The following LSS variants were observed in gnomAD, a reference collection of about 807,000 sequenced individuals.
LSS encodes 2,3-epoxysqualene-lanosterol cyclase.
A neutral mutation model predicts 110.3 loss-of-function variants in LSS; 90 were observed. The ratio of observed to expected loss-of-function variants is 0.82; its 90% CI spans 0.69 to 0.97. The LOEUF is 0.97. Among genes scored for constraint, LSS ranks in the 50% least tolerant of loss-of-function variants. LSS has a pLI of 0.00. For synonymous variants in LSS, 433 were observed against 400.0 expected (o/e 1.08, Z -0.98); for missense variants, 927 against 990.0 (o/e 0.94, Z 0.85).
intron 8 of LSS, among the ~76,000 whole-genome samples, 159 bp from the exon 9 acceptor site, chr21:46,215,457 G>A (rs2080191020): frequency 6.8e-6 from 1 of 147,478 alleles, no homozygotes; most frequent in African/African-American, 2.5e-5. Flanking sequence ...GCCCAGGAGG[G>A]GCTGCCCCAC....
At chr21:46,218,554 G>A (rs910672268) in intron 6 of LSS, among the ~76,000 whole-genome samples, 1 of 151,972 alleles carries the variant, frequency 6.6e-6, no homozygotes, top group East Asian at 1.9e-4. Context: ...AATCCAGGAG[G>A]CGGAGGTTGC....
intron 20 of LSS, chr21:46,192,181 G>A (rs2079825957): frequency 5.0e-6 from 3 of 604,796 alleles, no homozygotes; most frequent in Non-Finnish European, 8.9e-6. Flanking sequence ...GCAATGACAG[G>A]CTGGGGACAC....
intron 17 of LSS, among the ~76,000 whole-genome samples, chr21:46,197,122 C>G (rs2123701706): frequency 6.6e-6 from 1 of 152,324 alleles, no homozygotes; most frequent in South Asian, 2.1e-4. Context: ...TGTTCTAAGC[C>G]ACTAGGTTTG....
At chr21:46,228,671 G>T in intron 1 of LSS, 61 bp downstream of exon 1, 1 of 1,599,780 alleles carries the variant, frequency 6.3e-7, no homozygotes, top group Non-Finnish European at 8.5e-7. Context: ...CCCCAGTCGC[G>T]CTCTCCTCAG....
intron 3 of LSS, among the ~76,000 whole-genome samples, chr21:46,227,008 T>A (rs1215220268): frequency 6.6e-6 from 1 of 152,218 alleles, no homozygotes; most frequent in Non-Finnish European, 1.5e-5. Context: ...TAGGAGGGAA[T>A]TTCCCATTTT....
chr21:46,195,754 G>C lies in LSS; in HGVS notation c.1739C>G (p.Ser580Cys), dbSNP rs747663109. Residue 580 changes from serine (S) to cysteine (C), a missense_variant and splice_region_variant, in exon 19 of 22, where the codon TCC becomes TGC. Coordinates refer to ENST00000397728, the MANE Select transcript of LSS (RefSeq NM_002340.6). The part of the protein sequence containing the change: ...QQRADGSWEG[S>C]WGVCFTYGTW... ...GCCGTAGGTGAAGCAAACTCCCCAG[G>C]AGCTGGAGGGAAACAGGGAGAGCCT... 1.2e-6 allele frequency: 2 copies of C among 1,613,464 alleles called. No individual in the cohort carries two copies. The highest frequency in any genetic ancestry group is 2.2e-5 in the East Asian group (1 of 44,866).
intron 21 of LSS, 32 bp downstream of exon 21, chr21:46,191,849 G>A: frequency 6.3e-7 from 1 of 1,591,552 alleles, no homozygotes; most frequent in Non-Finnish European, 8.6e-7. Context: ...GTCAGTGCTG[G>A]GCCTTGTGCG....
At chr21:46,225,441 C>G (rs1045450941) in intron 3 of LSS, 1 of 451,936 alleles carries the variant, frequency 2.2e-6, no homozygotes, top group Non-Finnish European at 4.4e-6. Flanking sequence ...CTTAGCATAC[C>G]GGGAAAGGGA....
Position 46,216,643 on chromosome 21 carries a change from G to T in LSS, c.648-119C>A. On this transcript the variant is annotated intron_variant, in intron 6 of 21. Coordinates refer to ENST00000397728, the MANE Select transcript of LSS (RefSeq NM_002340.6). This position sits in a 1 kb window ranked among gnomAD's most constrained non-coding sequence, Gnocchi z 4.2. ...CTGGTGGATGGCTATTCCCCACCAC[G>T]TCAGTGCATCTGCGGGCATTTCCCA... The T allele has an allele frequency of 1.6e-6, 2 of 1,274,552 alleles. No individual in the cohort carries two copies. Among genetic ancestry groups the T allele is most frequent in the Non-Finnish European group, 2.1e-6 (2 of 949,226 alleles). 79.0% of individuals were successfully genotyped at this position (1,274,552 alleles called of 1,614,324 possible). A position where few individuals can be genotyped will look rare whatever the true frequency, so the allele number is the denominator to read the frequency against.
intron 17 of LSS, among the ~76,000 whole-genome samples, chr21:46,198,222 G>A (rs570598987): frequency 6.6e-6 from 1 of 151,726 alleles, no homozygotes; most frequent in South Asian, 2.1e-4. Context: ...AGCTATGATG[G>A]CACCACTGCA....
At chr21:46,221,263 C>A (rs191005692) in intron 5 of LSS, among the ~76,000 whole-genome samples, 2 of 152,260 alleles carry the variant, frequency 1.3e-5, no homozygotes, top group East Asian at 3.9e-4. Flanking sequence ...TGCCTGCAGC[C>A]AGGCTGCCCC....
chr21:46,228,053 C>G (rs2080373802), intron 2 of LSS, among the ~76,000 whole-genome samples: 1 of 152,206 alleles, frequency 6.6e-6, no homozygotes, highest in African/African-American at 2.4e-5. Flanking sequence ...CCTCGGTGGC[C>G]GGGGCTCGGC....
In LSS at chr21:46,209,677, T is replaced by A. The variant is rs763523849; in HGVS notation, c.1195-52A>T. The A allele has an allele frequency of 1.3e-6, 2 of 1,505,610 alleles. No homozygotes were observed. The highest frequency in any genetic ancestry group is 1.8e-6 in the Non-Finnish European group (2 of 1,096,782). The allele number at this position is 1,505,610 out of a possible 1,614,324, so 93.3% of individuals were successfully genotyped here. Reference sequence around the variant, plus strand: ...CTCAGCTGCCCTTGCACGGCCAGCATGGCTGCGCTGGTTTCCCGATGGTCC... The same window carrying A: ...CTCAGCTGCCCTTGCACGGCCAGCAAGGCTGCGCTGGTTTCCCGATGGTCC... On this transcript the variant is annotated intron_variant, in intron 12 of 21. Coordinates refer to ENST00000397728, the MANE Select transcript of LSS (RefSeq NM_002340.6). This position sits in a 1 kb window ranked among gnomAD's most constrained non-coding sequence, Gnocchi z 4.4.
intron 4 of LSS, chr21:46,222,237 C>T (rs1354358908): frequency 1.8e-6 from 1 of 548,828 alleles, no homozygotes; most frequent in African/African-American, 1.9e-5. Flanking sequence ...ACACTTCTAG[C>T]TCAAGGGCGG....
chr21:46,210,730 T>C lies in LSS; in HGVS notation c.1152A>G (p.Ser384=). Residue 384 remains serine (S), a synonymous_variant, in exon 12 of 22, where the codon TCA becomes TCG. Transcript: ENST00000397728. ...TGGCGAATGCGGTGTCCCAGATCTGTGAGCCGTTGGTGCCCTACACACAAA... is the reference window on the plus strand; with the variant it reads ...TGGCGAATGCGGTGTCCCAGATCTGCGAGCCGTTGGTGCCCTACACACAAA... ...DGMKMQGTNG[S]QIWDTAFAIQ... is the part of the protein sequence containing the mutation. 1 of 1,614,062 alleles carries C rather than the reference T, an allele frequency of 6.2e-7. No individual in the cohort carries two copies.
At position 46,228,724 on chromosome 21, in the gene LSS, G is replaced by A. The variant is rs2080391698; in HGVS notation, c.14+8C>T. The stretch of plus-strand genomic sequence containing the variant: ...CATTCGTCAGGAGCCCGGGGCGAGG[G>A]GACTCACGTGCCCTCCGTCATTGCT... On this transcript the variant is annotated splice_region_variant and intron_variant, in intron 1 of 21. Transcript: ENST00000397728. 2 of 1,601,308 alleles carry A rather than the reference G, an allele frequency of 1.2e-6. No homozygotes were observed. Among genetic ancestry groups the A allele is most frequent in the Non-Finnish European group, 1.7e-6 (2 of 1,178,926 alleles).
intron 9 of LSS, 149 bp from the exon 10 acceptor site, chr21:46,213,984 G>A (rs2080168237): frequency 1.5e-6 from 1 of 651,408 alleles, no homozygotes; most frequent in Non-Finnish European, 2.8e-6. Flanking sequence ...GCTCTAACAG[G>A]CATTTCCTGA....
Position 46,216,597 on chromosome 21 carries a change from G to C in LSS, c.648-73C>G. The C allele has an allele frequency of 1.4e-6, 2 of 1,458,502 alleles. No individual in the cohort carries two copies. The allele number at this position is 1,458,502 out of a possible 1,614,324, so 90.3% of individuals were successfully genotyped here. On this transcript the variant is annotated intron_variant, in intron 6 of 21. Transcript: ENST00000397728. This position sits in a 1 kb window ranked among gnomAD's most constrained non-coding sequence, Gnocchi z 4.2. Reference sequence around the variant, plus strand: ...CCCCCTCCGCCAGCATCCATACCTTGGGCCCTTTCAAGCACGAACACTGGT... The same window carrying C: ...CCCCCTCCGCCAGCATCCATACCTTCGGCCCTTTCAAGCACGAACACTGGT...
chr21:46,191,355 T>G (rs1175707912), intron 21 of LSS, 120 bp from the exon 22 acceptor site: 2 of 1,097,606 alleles, frequency 1.8e-6, no homozygotes, highest in East Asian at 4.7e-5. Context: ...TGGAAAGGGC[T>G]AATTAAGCAA....
Sources: allele counts gnomAD v4.1 joint callset (sites outside exome capture counted in the v4.1 genomes callset), GRCh38; gene constraint gnomAD v4.1.1; non-coding constraint Gnocchi (gnomAD v3.1); transcripts MANE v1.5; gene names NCBI Gene and HGNC (gene_info 2026-07-23, HGNC 2026-07-21).